CASP5: variants seen among roughly 807,000 people sequenced by gnomAD.
The protein encoded by CASP5 is caspase-5.
Under a neutral mutation model 45.2 loss-of-function variants are expected in CASP5, and 42 were observed. The ratio of observed to expected loss-of-function variants is 0.93; its 90% CI spans 0.73 to 1.20. The LOEUF (loss-of-function observed/expected upper bound fraction) is 1.20, where lower values mean the gene tolerates loss of function less well. Among genes scored for constraint, CASP5 ranks in the 50% most tolerant of loss-of-function variants. CASP5 has a pLI of 0.00. For synonymous variants in CASP5, 209 were observed against 186.2 expected, an observed-to-expected ratio of 1.12 and a Z score of -1.00; for missense variants, 512 against 532.2, an observed-to-expected ratio of 0.96 and a Z score of 0.37.
chr11:104,994,664 C>G (rs1565377680), intron 9 of CASP5, among the ~76,000 whole-genome samples: 1 of 152,186 alleles, frequency 6.6e-6, no homozygotes, highest in African/African-American at 2.4e-5. Flanking sequence ...CCTAATTTGT[C>G]TCTGTCAGTT....
At chr11:104,997,277 C>A (rs1861507549) in intron 8 of CASP5, 106 bp downstream of exon 8, 1 of 808,750 alleles carries the variant, frequency 1.2e-6, no homozygotes, top group Non-Finnish European at 2.1e-6. Context: ...TGCCATACTA[C>A]TTTTGCTTGC....
At chr11:105,018,078 A>C (rs1373023882) in intron 1 of CASP5, among the ~76,000 whole-genome samples, 1 of 151,286 alleles carries the variant, frequency 6.6e-6, no homozygotes, top group East Asian at 1.9e-4. Context: ...TGAAGGAGAA[A>C]TAAAATACTT....
At chr11:105,018,703 A>T (rs1281113080) in intron 1 of CASP5, among the ~76,000 whole-genome samples, 2 of 145,862 alleles carry the variant, frequency 1.4e-5, no homozygotes, top group African/African-American at 2.5e-5. Flanking sequence ...CACATTAATA[A>T]TGGGAGACTT....
intron 1 of CASP5, among the ~76,000 whole-genome samples, chr11:105,022,413 A>G (rs1391825750): frequency 6.6e-6 from 1 of 152,078 alleles, no homozygotes; most frequent in African/African-American, 2.4e-5. Flanking sequence ...TCCTTTTTCC[A>G]GTGAGGAGAA....
At chr11:105,015,400 T>C (rs1862539615) in intron 1 of CASP5, among the ~76,000 whole-genome samples, 1 of 152,222 alleles carries the variant, frequency 6.6e-6, no homozygotes, top group Non-Finnish European at 1.5e-5. Flanking sequence ...AATCAATGAA[T>C]TGAAGATGCA....
In CASP5 at chr11:105,002,130, G is replaced by A. The variant is rs751434534; in HGVS notation, c.615C>T (p.His205=). ...ALIICNTKFD[H]LPARNGAHYD... is the part of the protein sequence containing the mutation. The stretch of plus-strand genomic sequence containing the variant: ...AGTGAGCCCCATTCCTTGCAGGCAG[G>A]TGATCAAACTTTGTATTGCATATGA... The change falls in exon 5 of 10, where the codon CAC becomes CAT. Residue 205 remains histidine, a synonymous_variant. Coordinates refer to ENST00000260315, the MANE Select transcript of CASP5 (RefSeq NM_004347.5). 1.9e-6 allele frequency: 3 copies of A among 1,614,076 alleles called. No individual in the cohort carries two copies. The highest frequency in any genetic ancestry group is 2.2e-5 in the South Asian group (2 of 91,078).
chr11:105,023,075 G>A (rs1317066858), intron 1 of CASP5, 55 bp downstream of exon 1: 3 of 1,531,608 alleles, frequency 2.0e-6, no homozygotes, highest in Non-Finnish European at 2.7e-6. Context: ...AATAAATCAA[G>A]ATTTTTCTAA....
intron 6 of CASP5, among the ~76,000 whole-genome samples, chr11:104,999,415 G>A (rs1054041486): frequency 1.3e-5 from 2 of 152,154 alleles, no homozygotes; most frequent in Non-Finnish European, 2.9e-5. Flanking sequence ...AGTATTCCAT[G>A]GGATATGTGT....
intron 1 of CASP5, among the ~76,000 whole-genome samples, chr11:105,016,590 G>C (rs1396311571): frequency 6.6e-6 from 1 of 151,366 alleles, no homozygotes; most frequent in Admixed American, 6.6e-5. Flanking sequence ...CGAATACTGC[G>C]CTTTTCCAAC....
rs778148104 is a variant in CASP5 at position 105,008,930 on chromosome 11, CT to C, written c.57del (p.Gly20ValfsTer11). 1 of 1,610,940 alleles carries C rather than the reference CT, an allele frequency of 6.2e-7. No homozygotes were observed. The highest frequency in any genetic ancestry group is 1.1e-5 in the South Asian group (1 of 90,186). Reference protein sequence around the residue: ...KRRKNFEAMFKGILQSGLDNF... With the variant: ...KRRKNFEAMFXGILQSGLDNF... ...TTATCCAATCCACTCTGAAGGATACCTTTGAACATAGCTTCAAAATTCTTAC... is the reference window on the plus strand; with the variant it reads ...TTATCCAATCCACTCTGAAGGATACCTTGAACATAGCTTCAAAATTCTTAC... On this transcript the variant is annotated frameshift_variant, in exon 2 of 10. Coordinates refer to ENST00000260315, the MANE Select transcript of CASP5 (RefSeq NM_004347.5). LOFTEE classifies it high-confidence loss of function.
At chr11:105,003,507 T>C in intron 3 of CASP5, 124 bp from the exon 4 acceptor site, 1 of 552,814 alleles carries the variant, frequency 1.8e-6, no homozygotes. Flanking sequence ...TTAGGGGTTA[T>C]AGCTGTACCT....
intron 1 of CASP5, among the ~76,000 whole-genome samples, chr11:105,020,361 C>T (rs1862884280): frequency 6.6e-6 from 1 of 151,804 alleles, no homozygotes; most frequent in Non-Finnish European, 1.5e-5. Flanking sequence ...AAGTGGAAGT[C>T]AAATTGTCCC....
At chr11:105,003,658 C>T (rs1236503593) in intron 3 of CASP5, among the ~76,000 whole-genome samples, 1 of 151,694 alleles carries the variant, frequency 6.6e-6, no homozygotes, top group East Asian at 1.9e-4. Flanking sequence ...TTAAATTTGG[C>T]TTTTCTATAT....
chr11:104,998,228 T>C (rs1861553195), intron 7 of CASP5, among the ~76,000 whole-genome samples: 1 of 152,320 alleles, frequency 6.6e-6, no homozygotes, highest in South Asian at 2.1e-4. Context: ...ACATTAAATA[T>C]GTACAGTTTT....
At chr11:105,021,009 T>C (rs1862928290) in intron 1 of CASP5, among the ~76,000 whole-genome samples, 1 of 151,810 alleles carries the variant, frequency 6.6e-6, no homozygotes. Flanking sequence ...ATGCCGCATA[T>C]CTACAACTAT....
chr11:104,996,143 A>C lies in CASP5; in HGVS notation c.1207-301T>G, dbSNP rs45594931. ...AAATCAATTAAATATCCTTTGGGATATGCTCATGAGAACTGGATATGGAAG... is the reference window on the plus strand; with the variant it reads ...AAATCAATTAAATATCCTTTGGGATCTGCTCATGAGAACTGGATATGGAAG... On this transcript the variant is annotated intron_variant, in intron 8 of 9. Coordinates refer to ENST00000260315, the MANE Select transcript of CASP5 (RefSeq NM_004347.5). 4.8e-3 allele frequency among the ~76,000 whole-genome samples: 726 copies of C among 152,306 alleles called. 9 individuals carry two copies. Among genetic ancestry groups the C allele is most frequent in the African/African-American group, 0.016 (676 of 41,564 alleles).
intron 4 of CASP5, among the ~76,000 whole-genome samples, chr11:105,002,800 A>G (rs1861805826): frequency 6.6e-6 from 1 of 152,224 alleles, no homozygotes; most frequent in Non-Finnish European, 1.5e-5. Flanking sequence ...GGATTGAATG[A>G]GCACTGGTAT....
At chr11:105,009,718 C>CATATAT (rs1424749536) in intron 1 of CASP5, among the ~76,000 whole-genome samples, 6 of 83,576 alleles carry the variant, frequency 7.2e-5, no homozygotes, top group African/African-American at 1.2e-4. Flanking sequence ...TATATATACA[C>CATATAT]ACATATATAT....
At chr11:105,014,200 G>A (rs1415205923) in intron 1 of CASP5, among the ~76,000 whole-genome samples, 1 of 151,942 alleles carries the variant, frequency 6.6e-6, no homozygotes, top group African/African-American at 2.4e-5. Context: ...AAAATATTCT[G>A]CTCTTCATTT....
Sources: allele counts gnomAD v4.1 joint callset (sites outside exome capture counted in the v4.1 genomes callset), GRCh38; gene constraint gnomAD v4.1.1; transcripts MANE v1.5; gene names NCBI Gene and HGNC (gene_info 2026-07-23, HGNC 2026-07-21).